The following KRT3 variants were observed in gnomAD, a reference collection of about 807,000 sequenced individuals.
The protein encoded by KRT3 is keratin 3, also known as keratin, type II cytoskeletal 3.
Under a neutral mutation model 45.8 loss-of-function variants are expected in KRT3, and 34 were observed. The ratio of observed to expected loss-of-function variants is 0.74; its 90% CI spans 0.57 to 0.99. The LOEUF (loss-of-function observed/expected upper bound fraction) is 0.99, where lower values mean the gene tolerates loss of function less well. KRT3 is among the 50% of genes least tolerant of loss of function. KRT3 has a pLI of 0.00. For synonymous variants in KRT3, 367 were observed against 329.0 expected (o/e 1.12, Z -1.25); for missense variants, 828 against 820.6 (o/e 1.01, Z -0.11).
rs1430989083 is a variant in KRT3 at position 52,791,686 on chromosome 12, C to G, written c.1314+5G>C. On this transcript the variant is annotated splice_donor_5th_base_variant and intron_variant, in intron 6 of 8. Transcript: ENST00000417996. ...CCCAGGTGCCAGCATCCATGACCAT[C>G]CCACCTGCTTCTTGACACCCTCGAT... The G allele has an allele frequency of 6.2e-7, 1 of 1,613,968 alleles. No homozygotes were observed. Among genetic ancestry groups the G allele is most frequent in the East Asian group, 2.2e-5 (1 of 44,896 alleles).
In KRT3 at chr12:52,791,372, G is replaced by A; in HGVS notation, c.1369C>T (p.Leu457Phe). The A allele has an allele frequency of 6.2e-7, 1 of 1,614,232 alleles. No individual in the cohort carries two copies. The highest frequency in any genetic ancestry group is 1.3e-5 in the African/African-American group (1 of 75,060). ...TGGAGCTTGGCATTGGCATCCTTGA[G>A]GGCCATCTCTCCATGCTGCTCGGCC... The part of the protein sequence containing the change: ...AEAEQHGEMA[L>F]KDANAKLQEL... The change falls in exon 7 of 9, where the codon CTC (leucine) becomes TTC (phenylalanine). Residue 457 changes from leucine (L) to phenylalanine (F), a missense_variant. By Grantham distance (22) the Leu-to-Phe change is conservative. Coordinates refer to ENST00000417996, the MANE Select transcript of KRT3 (RefSeq NM_057088.3).
rs201814725 is a variant in KRT3, at chr12:52,791,304, C to T, written c.1437G>A (p.Ala479=). 5.8e-4 allele frequency: 935 copies of T among 1,614,234 alleles called. No individual in the cohort carries two copies. Among genetic ancestry groups the T allele is most frequent in the Middle Eastern group, 2.0e-3 (12 of 6,062 alleles). Residue 479 remains alanine (A), a synonymous_variant, in exon 7 of 9, where the codon GCG becomes GCA. Coordinates refer to ENST00000417996, the MANE Select transcript of KRT3 (RefSeq NM_057088.3). Reference sequence around the variant, plus strand: ...GCTCCTGGTAGTCACGTAGCAGCCGCGCCAGGTCATCCTTCGCCTGCTGTA... The same window carrying T: ...GCTCCTGGTAGTCACGTAGCAGCCGTGCCAGGTCATCCTTCGCCTGCTGTA... ...AALQQAKDDL[A]RLLRDYQELM...
rs1939514347 is a variant in KRT3 at position 52,791,783 on chromosome 12, C to T, written c.1222G>A (p.Gly408Arg). Residue 408 changes from glycine to arginine, a missense_variant, in exon 6 of 9, where the codon GGG becomes AGG. Physicochemically the swap from Gly to Arg is moderately radical, Grantham distance 125. Transcript: ENST00000417996. ...GELQTTAGRH[G>R]DDLRNTKSEI... ...CTCTTGGTATTTCTTAGGTCATCCC[C>T]ATGCCTGCCAGCCGTGGTCTGCAGC... is the stretch of plus-strand genomic sequence containing the variant. 1.2e-6 allele frequency: 2 copies of T among 1,613,984 alleles called. No homozygotes were observed. Among genetic ancestry groups the T allele is most frequent in the Middle Eastern group, 1.6e-4 (1 of 6,084 alleles).
At position 52,794,134 on chromosome 12, in the gene KRT3, G is replaced by T. The variant is rs1472351452; in HGVS notation, c.843C>A (p.Asp281Glu). 6.2e-7 allele frequency: 1 copy of T among 1,614,002 alleles called. No individual in the cohort carries two copies. Among genetic ancestry groups the T allele is most frequent in the Admixed American group, 1.7e-5 (1 of 60,018 alleles). Residue 281 changes from aspartate (D) to glutamate (E), a missense_variant, in exon 2 of 9, where the codon GAC becomes GAA. Physicochemically the swap from Asp to Glu is conservative, Grantham distance 45. Transcript: ENST00000417996. The part of the protein sequence containing the change: ...RLDSELKNME[D>E]LVEDFKKKYE... The stretch of plus-strand genomic sequence containing the variant: ...ACTTCTTCTTGAAGTCTTCCACCAG[G>T]TCCTCCATGTTCTTCAGCTCAGAGT...
In KRT3 at chr12:52,794,286, T is replaced by G; in HGVS notation, c.691A>C (p.Asn231His). 3 of 1,614,166 alleles carry G rather than the reference T, an allele frequency of 1.9e-6. No individual in the cohort carries two copies. Among genetic ancestry groups the G allele is most frequent in the Non-Finnish European group, 2.5e-6 (3 of 1,180,030 alleles). ...QQNKVLETKW[N>H]LLQQQGTSSI... Reference sequence around the variant, plus strand: ...CTTGTGCCCTGCTGCTGGAGCAGGTTCCACTTGGTCTCCAGGACTTTGTTC... The same window carrying G: ...CTTGTGCCCTGCTGCTGGAGCAGGTGCCACTTGGTCTCCAGGACTTTGTTC... The change falls in exon 2 of 9, where the codon AAC becomes CAC. Residue 231 changes from asparagine (N) to histidine (H), a missense_variant. Transcript: ENST00000417996.
At position 52,793,811 on chromosome 12, in the gene KRT3, T is replaced by G. The variant is rs190833743; in HGVS notation, c.866+300A>C. 4.0e-4 allele frequency among the ~76,000 whole-genome samples: 61 copies of G among 152,252 alleles called. 1 individual carries two copies. Among genetic ancestry groups the G allele is most frequent in the African/African-American group, 1.4e-3 (59 of 41,544 alleles). On this transcript the variant is annotated intron_variant, in intron 2 of 8. Transcript: ENST00000417996. Reference sequence around the variant, plus strand: ...TTCGCCATGTTGGCCAGGCTGGTCTTGAACTCCTGACCTCAAATGATCTGT... The same window carrying G: ...TTCGCCATGTTGGCCAGGCTGGTCTGGAACTCCTGACCTCAAATGATCTGT...
At position 52,791,721 on chromosome 12, in the gene KRT3, C is replaced by A; in HGVS notation, c.1284G>T (p.Leu428=). The A allele has an allele frequency of 6.2e-7, 1 of 1,614,182 alleles. No homozygotes were observed. The highest frequency in any genetic ancestry group is 8.5e-7 in the Non-Finnish European group (1 of 1,180,006). Residue 428 remains leucine, a synonymous_variant, in exon 6 of 9, where the codon CTG becomes CTT. Transcript: ENST00000417996. ...IIELNRMIQR[L]RAEIEGVKKQ... ...TCTTGACACCCTCGATCTCTGCCCG[C>A]AGCCTCTGGATCATTCTGTTGAGCT...
At position 52,795,422 on chromosome 12, in the gene KRT3, G is replaced by A. The variant is rs757996259; in HGVS notation, c.621C>T (p.Asn207=). The A allele has an allele frequency of 1.9e-6, 3 of 1,614,038 alleles. No homozygotes were observed. Among genetic ancestry groups the A allele is most frequent in the Admixed American group, 1.7e-5 (1 of 60,010 alleles). The stretch of plus-strand genomic sequence containing the variant: ...CCTTGTCAATGAAGGAGGCAAACTT[G>A]TTGTTGAGGGTCTTGATCTGTTCCC... ...QEREQIKTLN[N]KFASFIDKVR... Residue 207 remains asparagine (N), a synonymous_variant, in exon 1 of 9, where the codon AAC becomes AAT. Coordinates refer to ENST00000417996, the MANE Select transcript of KRT3 (RefSeq NM_057088.3).
Position 52,789,844 on chromosome 12 carries a change from G to A in KRT3, c.*198C>T. 1 of 666,420 alleles carries A rather than the reference G, an allele frequency of 1.5e-6. No homozygotes were observed. The highest frequency in any genetic ancestry group is 2.4e-5 in the Admixed American group (1 of 41,544). The allele number at this position is 666,420 out of a possible 1,614,324, so 41.3% of individuals were successfully genotyped here. A position where few individuals can be genotyped will look rare whatever the true frequency, so the allele number is the denominator to read the frequency against. On this transcript the variant is annotated 3_prime_UTR_variant, in exon 9 of 9. Transcript: ENST00000417996. ...ACCTGGACAATCACAGGCACAGGCT[G>A]GAGCCGGAGAGAAGAGCCTGAAATT...
At chr12:52,790,450 A>G (rs1939466668) in intron 8 of KRT3, 92 bp from the exon 9 acceptor site, 2 of 1,276,786 alleles carry the variant, frequency 1.6e-6, no homozygotes, top group East Asian at 5.0e-5. Context: ...ACGACTATCC[A>G]GAGCTGATCA....
Position 52,790,369 on chromosome 12 carries a change from G to A in KRT3, c.1571-11C>T. 6.3e-7 allele frequency: 1 copy of A among 1,591,202 alleles called. No homozygotes were observed. The highest frequency in any genetic ancestry group is 8.6e-7 in the Non-Finnish European group (1 of 1,168,640). ...TGCTGCTGACCACGGCTGTGGGGGA[G>A]AGGACAGGACAGCGATCAGCGACGG... On this transcript the variant is annotated splice_polypyrimidine_tract_variant and intron_variant, in intron 8 of 8. Transcript: ENST00000417996.
chr12:52,795,299 C>G, intron 1 of KRT3, 99 bp downstream of exon 1: 1 of 1,427,880 alleles, frequency 7.0e-7, no homozygotes, highest in South Asian at 1.2e-5. Context: ...TCCTCACCCT[C>G]CAGTCTGGCC....
chr12:52,791,541 T>C, intron 6 of KRT3, 115 bp from the exon 7 acceptor site: 1 of 1,424,486 alleles, frequency 7.0e-7, no homozygotes, highest in South Asian at 1.3e-5. Context: ...CCCTAGTGCC[T>C]CCATCTTGTC....
At position 52,790,225 on chromosome 12, in the gene KRT3, G is replaced by T; in HGVS notation, c.1704C>A (p.Gly568=). The part of the protein sequence containing the change: ...GGSGSGFGRG[G]GGGIGGGFGG... ...CAAATCCACCGCCGATTCCACCGCC[G>T]CCTCCCCGGCCAAAGCCACTGCCTG... is the stretch of plus-strand genomic sequence containing the variant. The change falls in exon 9 of 9, where the codon GGC becomes GGA. Residue 568 remains glycine (G), a synonymous_variant. Transcript: ENST00000417996. 1.3e-6 allele frequency: 2 copies of T among 1,515,304 alleles called. No homozygotes were observed. Among genetic ancestry groups the T allele is most frequent in the Non-Finnish European group, 1.8e-6 (2 of 1,124,672 alleles). 93.9% of individuals were successfully genotyped at this position (1,515,304 alleles called of 1,614,324 possible). A position where few individuals can be genotyped will look rare whatever the true frequency, so the allele number is the denominator to read the frequency against.
intron 3 of KRT3, 114 bp downstream of exon 3, chr12:52,793,049 A>G (rs1939561639): frequency 1.2e-6 from 1 of 804,204 alleles, no homozygotes; most frequent in Non-Finnish European, 2.1e-6. Context: ...ACTTCTGTTT[A>G]TTGCTCCAAA....
chr12:52,794,849 C>T (rs772310587), intron 1 of KRT3, among the ~76,000 whole-genome samples: 16 of 152,142 alleles, frequency 1.1e-4, no homozygotes, highest in Non-Finnish European at 2.1e-4. Context: ...AGAAGCTCAC[C>T]GAGCACTCTT....
At chr12:52,791,023 G>A in intron 7 of KRT3, 151 bp from the exon 8 acceptor site, 1 of 1,271,628 alleles carries the variant, frequency 7.9e-7, no homozygotes, top group East Asian at 2.5e-5. Flanking sequence ...CTGTAGCAAG[G>A]AGAGCCTGTG....
In KRT3 at chr12:52,793,202, TTTA is replaced by T; in HGVS notation, c.885_887del (p.Asn295del). The T allele has an allele frequency of 3.1e-6, 5 of 1,609,232 alleles. No individual in the cohort carries two copies. Among genetic ancestry groups the T allele is most frequent in the Non-Finnish European group, 4.2e-6 (5 of 1,177,540 alleles). On this transcript the variant is annotated inframe_deletion, in exon 3 of 9. Coordinates refer to ENST00000417996, the MANE Select transcript of KRT3 (RefSeq NM_057088.3). ...CAAATTCATTCTCAGCAGCTGTACG[TTTA>T]TTGATTTCATCCTCATATCTGTGTG...
chr12:52,793,137 T>C (rs1340684153), intron 3 of KRT3, 26 bp downstream of exon 3: 20 of 1,598,446 alleles, frequency 1.3e-5, no homozygotes, highest in Non-Finnish European at 1.7e-5. Context: ...GCTGCAAGCC[T>C]CAGAAACCTC....
Sources: allele counts gnomAD v4.1 joint callset (sites outside exome capture counted in the v4.1 genomes callset), GRCh38; gene constraint gnomAD v4.1.1; transcripts MANE v1.5; gene names NCBI Gene and HGNC (gene_info 2026-07-23, HGNC 2026-07-21).